NLGN1: variants seen among roughly 807,000 people sequenced by gnomAD.
The protein encoded by NLGN1 is neuroligin 1, also known as neuroligin-1.
NLGN1 carries 12 observed loss-of-function variants against 65.5 expected under a neutral mutation model. That is an observed-to-expected ratio of 0.18 (90% CI 0.12 to 0.30). The LOEUF is 0.30. Ranked by LOEUF, NLGN1 falls within the 10% of genes least tolerant of loss-of-function variation. NLGN1 has a pLI of 1.00. For synonymous variants in NLGN1, 350 were observed against 359.5 expected, an observed-to-expected ratio of 0.97 and a Z score of 0.30; for missense variants, 750 against 1,007.1, an observed-to-expected ratio of 0.74 and a Z score of 3.46.
chr3:173,875,408 T>A (rs970098193), intron 4 of NLGN1, among the ~76,000 whole-genome samples: 4 of 152,148 alleles, frequency 2.6e-5, no homozygotes, highest in Non-Finnish European at 4.4e-5. Context: ...AAAAGGGATA[T>A]AATAAAAATA....
At chr3:173,790,180 G>A (rs1712362620) in intron 3 of NLGN1, among the ~76,000 whole-genome samples, 1 of 152,056 alleles carries the variant, frequency 6.6e-6, no homozygotes, top group South Asian at 2.1e-4. Flanking sequence ...ATGTGTGTGT[G>A]TATATATATA....
intron 3 of NLGN1, among the ~76,000 whole-genome samples, chr3:173,649,241 G>A (rs149342364): frequency 8.9e-4 from 135 of 152,186 alleles, no homozygotes; most frequent in Middle Eastern, 3.4e-3. Context: ...GGACACTGGG[G>A]AAGAGAGAGA....
chr3:173,424,708 G>A (rs1159766110), intron 1 of NLGN1, among the ~76,000 whole-genome samples: 1 of 152,126 alleles, frequency 6.6e-6, no homozygotes, highest in African/African-American at 2.4e-5. Context: ...CTCCTTCTGA[G>A]ACCACCTCAG....
At chr3:173,582,252 ATATTTTGTCCAGC>A (rs1160632708) in intron 2 of NLGN1, among the ~76,000 whole-genome samples, 1 of 152,018 alleles carries the variant, frequency 6.6e-6, no homozygotes, top group Non-Finnish European at 1.5e-5. Context: ...TATTCTATAA[ATATTTTGTCCAGC>A]TATTTATCTG....
At chr3:173,848,979 T>C (rs1726354326) in intron 4 of NLGN1, among the ~76,000 whole-genome samples, 1 of 152,136 alleles carries the variant, frequency 6.6e-6, no homozygotes, top group African/African-American at 2.4e-5. Context: ...AAGGGTTGCA[T>C]ATGAGCTGAG....
intron 3 of NLGN1, among the ~76,000 whole-genome samples, chr3:173,698,174 G>A (rs1766525213): frequency 6.6e-6 from 1 of 152,126 alleles, no homozygotes; most frequent in African/African-American, 2.4e-5. Flanking sequence ...TCACTGATTT[G>A]TGAAGGTTTG....
At chr3:173,996,756 T>C (rs912401948) in intron 4 of NLGN1, among the ~76,000 whole-genome samples, 6 of 152,206 alleles carry the variant, frequency 3.9e-5, no homozygotes, top group Admixed American at 3.3e-4. Flanking sequence ...GGGATCACTC[T>C]GAATCAAGGG....
chr3:173,583,498 A>G (rs74863188), intron 2 of NLGN1, among the ~76,000 whole-genome samples: 1,698 of 152,328 alleles, frequency 0.011, 38 homozygotes, highest in African/African-American at 0.039. Flanking sequence ...CTTGTACACT[A>G]AAAAGGCTTA....
intron 1 of NLGN1, among the ~76,000 whole-genome samples, chr3:173,404,518 T>A (rs1577297788): frequency 6.6e-6 from 1 of 152,136 alleles, no homozygotes; most frequent in Admixed American, 6.6e-5. Flanking sequence ...ACTCCATCTG[T>A]GTTTAGGGTC....
intron 4 of NLGN1, among the ~76,000 whole-genome samples, chr3:174,086,915 T>A (rs1480230762): frequency 6.6e-6 from 1 of 152,146 alleles, no homozygotes; most frequent in Non-Finnish European, 1.5e-5. Flanking sequence ...ATCCAAAATG[T>A]AATCTGGAAA....
At chr3:173,712,374 A>T (rs1769125527) in intron 3 of NLGN1, among the ~76,000 whole-genome samples, 2 of 152,194 alleles carry the variant, frequency 1.3e-5, no homozygotes, top group Admixed American at 1.3e-4. Flanking sequence ...TAAGGTAGCC[A>T]GTCTTTGTTA....
chr3:174,255,376 C>A (rs1410767645), intron 4 of NLGN1, among the ~76,000 whole-genome samples: 3 of 139,508 alleles, frequency 2.2e-5, no homozygotes, highest in African/African-American at 8.1e-5. Context: ...GCGGAGCTTG[C>A]AGTGAGCCGA....
exon 3 of NLGN1, chr3:173,605,087 G>A: frequency 6.2e-7 from 1 of 1,601,688 alleles, no homozygotes; most frequent in Non-Finnish European, 8.5e-7. Context: ...TCCCGACTGA[G>A]GATGGTGAGT....
chr3:174,188,372 T>C (rs1731799058), intron 4 of NLGN1, among the ~76,000 whole-genome samples: 1 of 152,014 alleles, frequency 6.6e-6, no homozygotes, highest in African/African-American at 2.4e-5. Context: ...AATCATAACA[T>C]TGATGACAAA....
chr3:173,604,755 C>G (rs1478152416), exon 3 of NLGN1: 1 of 1,613,568 alleles, frequency 6.2e-7, no homozygotes, highest in African/African-American at 1.3e-5. Context: ...TGATGTGGAC[C>G]CACTGGTGGC....
At chr3:174,284,053 A>G (rs748833197) in exon 7 of NLGN1, 2 of 151,362 alleles carry the variant, frequency 1.3e-5, no homozygotes, top group Non-Finnish European at 3.0e-5. Flanking sequence ...GCATTTATCA[A>G]TCTGCCTATA....
intron 2 of NLGN1, among the ~76,000 whole-genome samples, chr3:173,530,197 C>T (rs1264192541): frequency 3.3e-5 from 5 of 152,258 alleles, no homozygotes; most frequent in South Asian, 4.1e-4. Flanking sequence ...TCAAGTGATC[C>T]TGCTGTCTCG....
rs192961043 is a variant in NLGN1, at chr3:173,605,157, A to G, written c.493+66A>G. 7.7e-4 allele frequency: 1,001 copies of G among 1,303,086 alleles called. 7 individuals are homozygous for G. The highest frequency in any genetic ancestry group is 7.4e-3 in the East Asian group (301 of 40,570). 80.7% of individuals were successfully genotyped at this position (1,303,086 alleles called of 1,614,324 possible). On this transcript the variant is annotated intron_variant, in intron 3 of 6. Transcript: ENST00000457714. ...ATTTTTTCTATTCTAAGTTCTAACA[A>G]TATTAATTCATGTGTACTGGTAGTA...
At chr3:173,705,404 T>C (rs1767900074) in intron 3 of NLGN1, among the ~76,000 whole-genome samples, 1 of 152,140 alleles carries the variant, frequency 6.6e-6, no homozygotes, top group Non-Finnish European at 1.5e-5. Context: ...CTCCTCTAAA[T>C]AAGGGAGGGC....
Sources: allele counts gnomAD v4.1 joint callset (sites outside exome capture counted in the v4.1 genomes callset), GRCh38; gene constraint gnomAD v4.1.1; transcripts MANE v1.5; gene names NCBI Gene and HGNC (gene_info 2026-07-23, HGNC 2026-07-21).